The following ADM variants were observed in gnomAD, a reference collection of about 807,000 sequenced individuals.
ADM encodes adrenomedullin.
ADM carries 4 observed loss-of-function variants against 9.0 expected under a neutral mutation model. That is an observed-to-expected ratio of 0.44 (90% CI 0.22 to 1.02). The LOEUF (loss-of-function observed/expected upper bound fraction) is 1.02, where lower values mean the gene tolerates loss of function less well. Among genes scored for constraint, ADM ranks in the 50% least tolerant of loss-of-function variants. The pLI is 0.24. For missense variants in ADM, 253 were observed against 254.1 expected, an observed-to-expected ratio of 1.00 and a Z score of 0.03; for synonymous variants, 107 against 107.2, an observed-to-expected ratio of 1.00 and a Z score of 0.01.
Position 10,306,548 on chromosome 11 carries a change from C to A in ADM, c.465C>A (p.Pro155=), listed in dbSNP as rs753216941. 1.2e-5 allele frequency: 19 copies of A among 1,611,890 alleles called. No individual in the cohort carries two copies. The highest frequency in any genetic ancestry group is 1.6e-5 in the Non-Finnish European group (19 of 1,179,272). Residue 155 remains proline (P), a synonymous_variant, in exon 4 of 4, where the codon CCC becomes CCA. Coordinates refer to ENST00000278175, the MANE Select transcript of ADM (RefSeq NM_001124.3). ...GCCGCCGGCGCCGGCGCTCCCTGCC[C>A]GAGGCCGGCCCGGGTCGGACTCTGG... ...GYGRRRRRSL[P]EAGPGRTLVS... is the part of the protein sequence containing the mutation.
At chr11:10,306,311 T>TGGCGGGG in intron 3 of ADM, 21 bp from the exon 4 acceptor site, 1 of 1,543,784 alleles carries the variant, frequency 6.5e-7, no homozygotes, top group South Asian at 1.1e-5. Context: ...TTGCCTTTCT[T>TGGCGGGG]CCCCCTCCCC....
chr11:10,306,766 G>A lies in ADM; in HGVS notation c.*125G>A. The A allele has an allele frequency of 2.0e-6, 2 of 995,540 alleles. No homozygotes were observed. The highest frequency in any genetic ancestry group is 1.7e-5 in the African/African-American group (1 of 59,376). 61.7% of individuals were successfully genotyped at this position (995,540 alleles called of 1,614,324 possible). A position where few individuals can be genotyped will look rare whatever the true frequency, so the allele number is the denominator to read the frequency against. ...CAGCCCTGCGGAGACCCTGAGTCCG[G>A]GAGGCACCGTCCGGCGGCGAGCTCT... On this transcript the variant is annotated 3_prime_UTR_variant, in exon 4 of 4. Coordinates refer to ENST00000278175, the MANE Select transcript of ADM (RefSeq NM_001124.3).
At position 10,305,962 on chromosome 11, in the gene ADM, G is replaced by T; in HGVS notation, c.112G>T (p.Ala38Ser). The stretch of plus-strand genomic sequence containing the variant: ...TGTGTTTTCCAGGTGGAATAAGTGG[G>T]CTCTGAGTCGTGGGAAGAGGGAACT... ...SEFRKKWNKW[A>S]LSRGKRELRM... is the part of the protein sequence containing the mutation. Residue 38 changes from alanine to serine, a missense_variant, in exon 3 of 4, where the codon GCT becomes TCT. By Grantham distance (99) the Ala-to-Ser change is moderately conservative (BLOSUM62 1). Transcript: ENST00000278175. The T allele has an allele frequency of 1.2e-6, 2 of 1,613,820 alleles. No individual in the cohort carries two copies. The highest frequency in any genetic ancestry group is 1.3e-5 in the African/African-American group (1 of 75,042).
Position 10,306,712 on chromosome 11 carries a change from T to G in ADM, c.*71T>G. On this transcript the variant is annotated 3_prime_UTR_variant, in exon 4 of 4. Transcript: ENST00000278175. ...CTGGTGCCTCCCGGGACGAAGGACT[T>G]CCCGAGCGGTGTGGGGACCGGGCTC... 6.9e-7 allele frequency: 1 copy of G among 1,446,906 alleles called. No individual in the cohort carries two copies. The highest frequency in any genetic ancestry group is 9.2e-7 in the Non-Finnish European group (1 of 1,085,104). The allele number at this position is 1,446,906 out of a possible 1,614,324, so 89.6% of individuals were successfully genotyped here.
At chr11:10,306,311 T>TCCC in intron 3 of ADM, 21 bp from the exon 4 acceptor site, 2 of 1,543,790 alleles carry the variant, frequency 1.3e-6, no homozygotes, top group Admixed American at 1.7e-5. Context: ...TTGCCTTTCT[T>TCCC]CCCCCTCCCC....
chr11:10,307,330 C>T lies in ADM; in HGVS notation c.*689C>T, dbSNP rs1409494301. 6.6e-6 allele frequency: 1 copy of T among 152,660 alleles called. No homozygotes were observed. Among genetic ancestry groups the T allele is most frequent in the Non-Finnish European group, 1.5e-5 (1 of 68,044 alleles). The allele number at this position is 152,660 out of a possible 1,614,324, so 9.5% of individuals were successfully genotyped here. A position where few individuals can be genotyped will look rare whatever the true frequency, so the allele number is the denominator to read the frequency against. ...TGTGGAAGAAGGAAACACCGAGTCTCTGTATAATCTATTTACATAAAATGG... is the reference window on the plus strand; with the variant it reads ...TGTGGAAGAAGGAAACACCGAGTCTTTGTATAATCTATTTACATAAAATGG... On this transcript the variant is annotated 3_prime_UTR_variant, in exon 4 of 4. Transcript: ENST00000278175. The surrounding 1 kb of genome is among the most constrained non-coding windows in gnomAD (Gnocchi z 4.5).
Position 10,307,125 on chromosome 11 carries a change from G to T in ADM, c.*484G>T, listed in dbSNP as rs1312487749. On this transcript the variant is annotated 3_prime_UTR_variant, in exon 4 of 4. Coordinates refer to ENST00000278175, the MANE Select transcript of ADM (RefSeq NM_001124.3). The surrounding 1 kb of genome is among the most constrained non-coding windows in gnomAD (Gnocchi z 4.5). Reference sequence around the variant, plus strand: ...GTTTGTTGCTGTCAAGATTTTTTTTGTAACTTCAAATATAGAGATATTTTT... The same window carrying T: ...GTTTGTTGCTGTCAAGATTTTTTTTTTAACTTCAAATATAGAGATATTTTT... The T allele has an allele frequency of 6.5e-6, 1 of 153,674 alleles. No individual in the cohort carries two copies. Among genetic ancestry groups the T allele is most frequent in the African/African-American group, 2.4e-5 (1 of 41,474 alleles). The allele number at this position is 153,674 out of a possible 1,614,324, so 9.5% of individuals were successfully genotyped here.
Position 10,305,618 on chromosome 11 carries a change from C to G in ADM, c.-21-62C>G, listed in dbSNP as rs1278542192. The G allele has an allele frequency of 6.8e-6, 10 of 1,474,440 alleles. No homozygotes were observed. In the Admixed American group the frequency reaches 8.7e-5, roughly 13 times the overall value. The allele number at this position is 1,474,440 out of a possible 1,614,324, so 91.3% of individuals were successfully genotyped here. A position where few individuals can be genotyped will look rare whatever the true frequency, so the allele number is the denominator to read the frequency against. ...CCGGGGCCCCTGCCCGCCCTCCGTGCCCCGCCCGGGCGGTGCAGCTGGCCC... is the reference window on the plus strand; with the variant it reads ...CCGGGGCCCCTGCCCGCCCTCCGTGGCCCGCCCGGGCGGTGCAGCTGGCCC... On this transcript the variant is annotated intron_variant, in intron 1 of 3. Coordinates refer to ENST00000278175, the MANE Select transcript of ADM (RefSeq NM_001124.3).
In ADM at chr11:10,306,068, T is replaced by C; in HGVS notation, c.218T>C (p.Met73Thr). ...PAQTLIRPQDMKGASRSPEDS... is the reference protein window; with the variant it reads ...PAQTLIRPQDTKGASRSPEDS... Reference sequence around the variant, plus strand: ...CAGACCCTTATTCGGCCCCAGGACATGAAGGGTGCCTCTCGAAGCCCCGAA... The same window carrying C: ...CAGACCCTTATTCGGCCCCAGGACACGAAGGGTGCCTCTCGAAGCCCCGAA... Residue 73 changes from methionine to threonine, a missense_variant, in exon 3 of 4, where the codon ATG becomes ACG. Physicochemically the swap from Met to Thr is moderately conservative, Grantham distance 81. Transcript: ENST00000278175. 6.2e-7 allele frequency: 1 copy of C among 1,613,812 alleles called. No homozygotes were observed. The highest frequency in any genetic ancestry group is 8.5e-7 in the Non-Finnish European group (1 of 1,179,952).
intron 2 of ADM, 21 bp downstream of exon 2, chr11:10,305,819 C>T: frequency 1.2e-6 from 2 of 1,613,728 alleles, no homozygotes; most frequent in Admixed American, 1.7e-5. Context: ...GCAGCGCCTT[C>T]CCCCTTGCTG....
chr11:10,305,477 C>T (rs917735755), intron 1 of ADM: 44 of 567,330 alleles, frequency 7.8e-5, no homozygotes, highest in Non-Finnish European at 1.2e-4. Flanking sequence ...CGGGGTGCAG[C>T]GGCCTCCCCT....
Position 10,306,284 on chromosome 11 carries a change from C to A in ADM, c.249-48C>A, listed in dbSNP as rs758193916. 41 of 1,595,452 alleles carry A rather than the reference C, an allele frequency of 2.6e-5. No homozygotes were observed. In the Middle Eastern group the frequency reaches 6.6e-4, roughly 26 times the overall value. ...TCCCGGTGTTGGGGCCAAAGCTCTG[C>A]TTGATGGGGTCTCAAGTTGCCTTTC... On this transcript the variant is annotated intron_variant, in intron 3 of 3. Coordinates refer to ENST00000278175, the MANE Select transcript of ADM (RefSeq NM_001124.3).
intron 2 of ADM, 49 bp downstream of exon 2, chr11:10,305,847 G>A (rs758975569): frequency 1.2e-6 from 2 of 1,612,698 alleles, no homozygotes; most frequent in Admixed American, 1.7e-5. Flanking sequence ...GCAGGCAAGG[G>A]GAACTGACCG....
At chr11:10,305,888 G>GC in intron 2 of ADM, 61 bp from the exon 3 acceptor site, 1 of 1,612,004 alleles carries the variant, frequency 6.2e-7, no homozygotes, top group Non-Finnish European at 8.5e-7. Context: ...GTGAATGGGA[G>GC]CAGGGACAGG....
At chr11:10,305,503 C>T in intron 1 of ADM, 177 bp from the exon 2 acceptor site, 1 of 592,138 alleles carries the variant, frequency 1.7e-6, no homozygotes. Context: ...GCCTGTCACC[C>T]GGCCGGCGCG....
At position 10,306,775 on chromosome 11, in the gene ADM, G is replaced by A. The variant is rs1964665959; in HGVS notation, c.*134G>A. The A allele has an allele frequency of 2.3e-6, 2 of 886,422 alleles. No individual in the cohort carries two copies. Among genetic ancestry groups the A allele is most frequent in the Non-Finnish European group, 1.6e-6 (1 of 617,442 alleles). The allele number at this position is 886,422 out of a possible 1,614,324, so 54.9% of individuals were successfully genotyped here. ...GGAGACCCTGAGTCCGGGAGGCACC[G>A]TCCGGCGGCGAGCTCTGGCTTTGCA... is the stretch of plus-strand genomic sequence containing the variant. On this transcript the variant is annotated 3_prime_UTR_variant, in exon 4 of 4. Transcript: ENST00000278175.
Position 10,305,764 on chromosome 11 carries a change from G to A in ADM, c.64G>A (p.Ala22Thr). ...GSLAFLGADT[A>T]RLDVASEFRK... The stretch of plus-strand genomic sequence containing the variant: ...GCTCGCCTTCCTAGGCGCTGACACC[G>A]CTCGGTTGGATGTCGCGTCGGAGTT... Residue 22 changes from alanine to threonine, a missense_variant, in exon 2 of 4, where the codon GCT (alanine) becomes ACT (threonine). By Grantham distance (58) the Ala-to-Thr change is moderately conservative. Transcript: ENST00000278175. The A allele has an allele frequency of 6.2e-7, 1 of 1,614,164 alleles. No individual in the cohort carries two copies. The highest frequency in any genetic ancestry group is 1.6e-4 in the Middle Eastern group (1 of 6,062).
chr11:10,306,246 G>T, intron 3 of ADM, 86 bp from the exon 4 acceptor site: 1 of 1,555,048 alleles, frequency 6.4e-7, no homozygotes. Flanking sequence ...TCTGGCTCTA[G>T]AATGGCTCCC....
rs779431052 is a variant in ADM at position 10,306,129 on chromosome 11, G to T, written c.248+31G>T. The T allele has an allele frequency of 4.3e-6, 7 of 1,609,704 alleles. No individual in the cohort carries two copies. The South Asian group carries it at 5.5e-5, about 13-fold the overall frequency. ...TACGCCCTGTGCTGTCCAGGGACGG[G>T]AGGGAAGGAAGGTGTGCGGGAGGAG... On this transcript the variant is annotated intron_variant, in intron 3 of 3. Coordinates refer to ENST00000278175, the MANE Select transcript of ADM (RefSeq NM_001124.3).
Sources: allele counts gnomAD v4.1 joint callset, GRCh38; gene constraint gnomAD v4.1.1; non-coding constraint Gnocchi (gnomAD v3.1); transcripts MANE v1.5; gene names NCBI Gene and HGNC (gene_info 2026-07-23, HGNC 2026-07-21).